Variants in HSPG2 observed in about 807,000 individuals in gnomAD.
The protein encoded by HSPG2 is basement membrane-specific heparan sulfate proteoglycan core protein.
Under a neutral mutation model 526.6 loss-of-function variants are expected in HSPG2, and 278 were observed. The observed-to-expected ratio is 0.53, with a 90% confidence interval of 0.48 to 0.58. HSPG2 has a LOEUF of 0.58. Ranked by LOEUF, HSPG2 falls within the 20% of genes least tolerant of loss-of-function variation. The pLI, the probability that HSPG2 is intolerant of heterozygous loss-of-function variation, is 0.00. For synonymous variants in HSPG2, 2,465 were observed against 2,555.4 expected, an observed-to-expected ratio of 0.96 and a Z score of 1.07; for missense variants, 5,354 against 6,099.5, an observed-to-expected ratio of 0.88 and a Z score of 4.07.
chr1:21,854,841 T>C lies in HSPG2; in HGVS notation c.6133+7A>G, dbSNP rs776262442. 1 of 1,612,538 alleles carries C rather than the reference T, an allele frequency of 6.2e-7. No individual in the cohort carries two copies. The highest frequency in any genetic ancestry group is 1.1e-5 in the South Asian group (1 of 90,932). On this transcript the variant is annotated splice_region_variant and intron_variant, in intron 48 of 96. Transcript: ENST00000374695. ...TCCCCACCCCTCCATTCCCAGAGAGTCCGTACCTGAAAGGACAACCACTTG... is the reference window on the plus strand; with the variant it reads ...TCCCCACCCCTCCATTCCCAGAGAGCCCGTACCTGAAAGGACAACCACTTG...
At chr1:21,891,563 A>C (rs1331729265) in intron 3 of HSPG2, among the ~76,000 whole-genome samples, 1 of 152,088 alleles carries the variant, frequency 6.6e-6, no homozygotes, top group Non-Finnish European at 1.5e-5. Flanking sequence ...CTTGAAAGTG[A>C]TGGCTGAATA....
chr1:21,853,606 C>A, intron 50 of HSPG2: 1 of 170,972 alleles, frequency 5.8e-6, no homozygotes, highest in Non-Finnish European at 1.3e-5. Flanking sequence ...ATTAGCCGGC[C>A]TGGTGGCGGG....
chr1:21,855,480 G>A, intron 46 of HSPG2, 34 bp from the exon 47 acceptor site: 1 of 1,612,392 alleles, frequency 6.2e-7, no homozygotes, highest in Non-Finnish European at 8.5e-7. Context: ...CACGCCCTGG[G>A]CTGAGCACAC....
chr1:21,915,663 C>G (rs1210844929), intron 1 of HSPG2, among the ~76,000 whole-genome samples: 1 of 152,206 alleles, frequency 6.6e-6, no homozygotes, highest in African/African-American at 2.4e-5. Context: ...GCGCTTCCGA[C>G]AGAACTTTCT....
Position 21,847,501 on chromosome 1 carries a change from G to T in HSPG2, c.8026-9C>A. 7 of 1,613,750 alleles carry T rather than the reference G, an allele frequency of 4.3e-6. No individual in the cohort carries two copies. Among genetic ancestry groups the T allele is most frequent in the Non-Finnish European group, 5.1e-6 (6 of 1,180,000 alleles). Reference sequence around the variant, plus strand: ...AGGTGGGAGCCATGGGTCTGGACGTGCGGATGGGGAAGGAGAGGGAGAGGG... The same window carrying T: ...AGGTGGGAGCCATGGGTCTGGACGTTCGGATGGGGAAGGAGAGGGAGAGGG... On this transcript the variant is annotated splice_polypyrimidine_tract_variant and intron_variant, in intron 61 of 96. Transcript: ENST00000374695. The surrounding 1 kb of genome is among the most constrained non-coding windows in gnomAD (Gnocchi z 4.1).
chr1:21,906,986 G>A (rs540305422), intron 1 of HSPG2, among the ~76,000 whole-genome samples: 1 of 152,294 alleles, frequency 6.6e-6, no homozygotes, highest in East Asian at 1.9e-4. Flanking sequence ...GGAAAAGCGG[G>A]CTGGCGGCCG....
chr1:21,864,990 G>A lies in HSPG2; in HGVS notation c.4479C>T (p.Ile1493=). The part of the protein sequence containing the change: ...MALADLDELL[I]RATFSSVPLA... ...GCGGCACGGAGGAGAACGTGGCCCGGATCAGGAGCTCATCCAGGTCGGCCA... is the reference window on the plus strand; with the variant it reads ...GCGGCACGGAGGAGAACGTGGCCCGAATCAGGAGCTCATCCAGGTCGGCCA... Residue 1493 remains isoleucine (I), a synonymous_variant, in exon 36 of 97, where the codon ATC becomes ATT. Coordinates refer to ENST00000374695, the MANE Select transcript of HSPG2 (RefSeq NM_005529.7). The surrounding 1 kb of genome is among the most constrained non-coding windows in gnomAD (Gnocchi z 4.8). 1 of 1,586,490 alleles carries A rather than the reference G, an allele frequency of 6.3e-7. No homozygotes were observed. Among genetic ancestry groups the A allele is most frequent in the Admixed American group, 1.8e-5 (1 of 56,498 alleles).
chr1:21,874,092 G>A, intron 28 of HSPG2, 81 bp from the exon 29 acceptor site: 1 of 1,275,594 alleles, frequency 7.8e-7, no homozygotes, highest in Non-Finnish European at 1.1e-6. Flanking sequence ...CCAGGGGAGA[G>A]GGGAGGGGAA....
Position 21,898,960 on chromosome 1 carries a change from ACC to A in HSPG2, c.64-2652_64-2651del, listed in dbSNP as rs1222556295. Among the ~76,000 whole-genome samples, 1 of 152,162 alleles carries A rather than the reference ACC, an allele frequency of 6.6e-6. No homozygotes were observed. The highest frequency in any genetic ancestry group is 1.9e-4 in the East Asian group (1 of 5,194). On this transcript the variant is annotated intron_variant, in intron 1 of 96. Transcript: ENST00000374695. The surrounding 1 kb of genome is among the most constrained non-coding windows in gnomAD (Gnocchi z 4.0). ...GGGTGGCGGCGGGGGTGGCCTTGGG[ACC>A]AGACAGGAAATAGCAAAGTGAGATT...
At chr1:21,883,519 C>G (rs372064556) in intron 13 of HSPG2, among the ~76,000 whole-genome samples, 1 of 152,056 alleles carries the variant, frequency 6.6e-6, no homozygotes, top group East Asian at 1.9e-4. Flanking sequence ...GAGATGGGGT[C>G]TCTCTGTGTT....
At chr1:21,922,364 G>A (rs951545319) in intron 1 of HSPG2, among the ~76,000 whole-genome samples, 4 of 152,318 alleles carry the variant, frequency 2.6e-5, no homozygotes, top group East Asian at 1.9e-4. Context: ...ATTGATGGAC[G>A]GGAGCTAACA....
rs772756994 is a variant in HSPG2, at chr1:21,828,001, T to C, written c.12532+29A>G. 1 of 1,613,234 alleles carries C rather than the reference T, an allele frequency of 6.2e-7. No homozygotes were observed. Among genetic ancestry groups the C allele is most frequent in the South Asian group, 1.1e-5 (1 of 90,980 alleles). On this transcript the variant is annotated intron_variant, in intron 90 of 96. Transcript: ENST00000374695. The surrounding 1 kb of genome is among the most constrained non-coding windows in gnomAD (Gnocchi z 6.0). ...GAGCTCCGGGGCCCCAAGACAGAGATGAAGTGGAGAGAAGCCAGGCCTGGG... is the reference window on the plus strand; with the variant it reads ...GAGCTCCGGGGCCCCAAGACAGAGACGAAGTGGAGAGAAGCCAGGCCTGGG...
chr1:21,859,449 C>G lies in HSPG2; in HGVS notation c.5293+117G>C. 1.3e-6 allele frequency: 1 copy of G among 792,174 alleles called. No individual in the cohort carries two copies. The highest frequency in any genetic ancestry group is 1.5e-5 in the South Asian group (1 of 67,924). 49.1% of individuals were successfully genotyped at this position (792,174 alleles called of 1,614,324 possible). On this transcript the variant is annotated intron_variant, in intron 42 of 96. Transcript: ENST00000374695. This position sits in a 1 kb window ranked among gnomAD's most constrained non-coding sequence, Gnocchi z 5.3. ...TCTCCTCATCTCCATGGCTGCTGAC[C>G]TTGTTCGGGCAACCACTGCCCCCTC...
chr1:21,834,374 A>C (rs906093853), intron 77 of HSPG2, among the ~76,000 whole-genome samples: 4 of 152,296 alleles, frequency 2.6e-5, no homozygotes, highest in Non-Finnish European at 4.4e-5. Context: ...CTCTGCCCTC[A>C]GACTATGCTG....
chr1:21,861,517 A>C (rs188111736), intron 39 of HSPG2, among the ~76,000 whole-genome samples: 67 of 152,300 alleles, frequency 4.4e-4, no homozygotes, highest in African/African-American at 1.5e-3. Context: ...AAAGCATTTA[A>C]AAAGTTAAGC....
intron 39 of HSPG2, among the ~76,000 whole-genome samples, chr1:21,860,959 G>C (rs75200282): frequency 1.2e-4 from 19 of 152,240 alleles, no homozygotes; most frequent in Non-Finnish European, 1.0e-4. Flanking sequence ...TGCGGGTGCA[G>C]AGGAGGGCAC....
chr1:21,834,473 C>A (rs1250692370), intron 77 of HSPG2, among the ~76,000 whole-genome samples: 1 of 152,174 alleles, frequency 6.6e-6, no homozygotes, highest in Non-Finnish European at 1.5e-5. Flanking sequence ...AGCTCTCTCC[C>A]TGTACATTCC....
Position 21,846,068 on chromosome 1 carries a change from C to T in HSPG2, c.8464+40G>A, listed in dbSNP as rs761995507. On this transcript the variant is annotated intron_variant, in intron 64 of 96. Transcript: ENST00000374695. ...TGCCCCCTGGTCTCTGTCCCTTCCTCCCTCCCCCGGCCTTCCCGTCCCACT... is the reference window on the plus strand; with the variant it reads ...TGCCCCCTGGTCTCTGTCCCTTCCTTCCTCCCCCGGCCTTCCCGTCCCACT... 3.7e-6 allele frequency: 6 copies of T among 1,609,240 alleles called. No homozygotes were observed. The Admixed American group carries it at 8.3e-5, about 22-fold the overall frequency.
intron 14 of HSPG2, 111 bp downstream of exon 14, chr1:21,881,228 G>A (rs1641479193): frequency 3.1e-6 from 4 of 1,285,960 alleles, no homozygotes; most frequent in South Asian, 1.2e-5. Context: ...GCTGCATCGG[G>A]GCATGGTAAC....
Sources: allele counts gnomAD v4.1 joint callset (sites outside exome capture counted in the v4.1 genomes callset), GRCh38; gene constraint gnomAD v4.1.1; non-coding constraint Gnocchi (gnomAD v3.1); transcripts MANE v1.5; gene names NCBI Gene and HGNC (gene_info 2026-07-23, HGNC 2026-07-21).